AFAP1L1: variants seen among roughly 807,000 people sequenced by gnomAD.
The protein encoded by AFAP1L1 is actin filament-associated protein 1-like 1.
AFAP1L1 carries 77 observed loss-of-function variants against 99.8 expected under a neutral mutation model. The observed-to-expected ratio is 0.77, with a 90% CI of 0.64 to 0.93. The LOEUF (loss-of-function observed/expected upper bound fraction) is 0.93. Among genes scored for constraint, AFAP1L1 ranks in the 40% least tolerant of loss-of-function variants. AFAP1L1 has a pLI of 0.00. For missense variants in AFAP1L1, 893 were observed against 996.8 expected (o/e 0.90, Z 1.40); for synonymous variants, 373 against 395.3 (o/e 0.94, Z 0.67).
rs1054537098 is a variant in AFAP1L1, at chr5:149,340,518, C to T, written c.*488C>T. The T allele has an allele frequency of 1.3e-5, 2 of 157,002 alleles. No individual in the cohort carries two copies. Among genetic ancestry groups the T allele is most frequent in the African/African-American group, 4.8e-5 (2 of 41,576 alleles). 9.7% of individuals were successfully genotyped at this position (157,002 alleles called of 1,614,324 possible). A position where few individuals can be genotyped will look rare whatever the true frequency, so the allele number is the denominator to read the frequency against. The stretch of plus-strand genomic sequence containing the variant: ...ATTCATATTGGGCATTACTAACAAC[C>T]CCTGGTCAAGGTAAATAGGTTGAAC... On this transcript the variant is annotated 3_prime_UTR_variant, in exon 19 of 19. Coordinates refer to ENST00000296721, the MANE Select transcript of AFAP1L1 (RefSeq NM_152406.4).
chr5:149,323,039 C>T (rs866350662), intron 15 of AFAP1L1, among the ~76,000 whole-genome samples: 1 of 152,094 alleles, frequency 6.6e-6, no homozygotes. Context: ...GTACCAGGCC[C>T]CTAACACCAG....
At chr5:149,318,007 T>C in intron 12 of AFAP1L1, 67 bp downstream of exon 12, 2 of 1,512,690 alleles carry the variant, frequency 1.3e-6, no homozygotes. Context: ...GTCATGTTTT[T>C]GTTTGGGGGA....
chr5:149,329,567 T>G, intron 15 of AFAP1L1, 99 bp from the exon 16 acceptor site: 1 of 1,198,204 alleles, frequency 8.3e-7, no homozygotes, highest in Non-Finnish European at 1.2e-6. Flanking sequence ...TTCCATTTCA[T>G]AGATGGAGAA....
At position 149,342,004 on chromosome 5, in the gene AFAP1L1, G is replaced by A. The variant is rs1037647160; in HGVS notation, c.*1974G>A. Among the ~76,000 whole-genome samples, 4 of 152,088 alleles carry A rather than the reference G, an allele frequency of 2.6e-5. No homozygotes were observed. The highest frequency in any genetic ancestry group is 5.9e-5 in the Non-Finnish European group (4 of 68,020). ...ATGAACTCTCAGAGGAGTGGCTGGG[G>A]GTAATTAATAATTAACATTTATCAA... is the stretch of plus-strand genomic sequence containing the variant. On this transcript the variant is annotated 3_prime_UTR_variant, in exon 19 of 19. Transcript: ENST00000296721.
intron 16 of AFAP1L1, 144 bp from the exon 17 acceptor site, chr5:149,332,551 C>T (rs1757285479): frequency 1.2e-6 from 1 of 811,286 alleles, no homozygotes; most frequent in South Asian, 1.9e-5. Context: ...GAGCTGGAAC[C>T]CCAAACCCAG....
chr5:149,291,577 G>A (rs1439220768), intron 1 of AFAP1L1, among the ~76,000 whole-genome samples: 1 of 146,976 alleles, frequency 6.8e-6, no homozygotes, highest in Non-Finnish European at 1.5e-5. Flanking sequence ...AAGCCTGCAG[G>A]GTTTGAAAGT....
intron 1 of AFAP1L1, among the ~76,000 whole-genome samples, chr5:149,281,027 C>T (rs911419912): frequency 1.3e-5 from 2 of 152,198 alleles, no homozygotes; most frequent in Admixed American, 1.3e-4. Context: ...CACCAGTTAT[C>T]TTCATTTCAG....
intron 6 of AFAP1L1, among the ~76,000 whole-genome samples, chr5:149,306,947 A>T (rs1450488918): frequency 6.6e-6 from 1 of 152,186 alleles, no homozygotes; most frequent in Non-Finnish European, 1.5e-5. Flanking sequence ...AGTACAACAA[A>T]GTGCAAAAGT....
intron 14 of AFAP1L1, 93 bp from the exon 15 acceptor site, chr5:149,322,513 G>A: frequency 1.2e-6 from 1 of 809,598 alleles, no homozygotes; most frequent in Non-Finnish European, 1.9e-6. Flanking sequence ...CTCAGAGCAA[G>A]AAGACTCCAT....
Position 149,299,645 on chromosome 5 carries a change from G to A in AFAP1L1, c.145+8G>A, listed in dbSNP as rs1283172043. ...GCCTGCAGCCCCTTCCAGGTTAGCC[G>A]CCAGCAGCCTGCCTGGAGGAGCTCC... On this transcript the variant is annotated splice_region_variant and intron_variant, in intron 2 of 18. Transcript: ENST00000296721. The A allele has an allele frequency of 2.0e-5, 33 of 1,613,862 alleles. No homozygotes were observed. The highest frequency in any genetic ancestry group is 2.2e-5 in the South Asian group (2 of 91,074).
rs148586706 is a variant in AFAP1L1 at position 149,276,285 on chromosome 5, G to C, written c.16+4301G>C. On this transcript the variant is annotated intron_variant, in intron 1 of 18. Transcript: ENST00000296721. ...TGACTTGAGAATGGAAACAAACGCC[G>C]AAAGTAGAATTTCTCTTCCAACAGG... is the stretch of plus-strand genomic sequence containing the variant. 3.3e-3 allele frequency among the ~76,000 whole-genome samples: 498 copies of C among 152,358 alleles called. 4 individuals carry two copies. The highest frequency in any genetic ancestry group is 0.011 in the African/African-American group (448 of 41,584).
chr5:149,301,924 C>T (rs1398412199), intron 4 of AFAP1L1, among the ~76,000 whole-genome samples: 1 of 152,246 alleles, frequency 6.6e-6, no homozygotes, highest in Non-Finnish European at 1.5e-5. Flanking sequence ...GAAACTGAGG[C>T]TCAGAGAGAA....
intron 5 of AFAP1L1, among the ~76,000 whole-genome samples, chr5:149,304,618 C>T (rs1463216871): frequency 6.6e-6 from 1 of 152,184 alleles, no homozygotes; most frequent in Non-Finnish European, 1.5e-5. Context: ...AGGGAGAGCA[C>T]GCCAAGCCCA....
intron 15 of AFAP1L1, among the ~76,000 whole-genome samples, chr5:149,328,870 C>T (rs1288278410): frequency 6.6e-6 from 1 of 152,104 alleles, no homozygotes; most frequent in African/African-American, 2.4e-5. Flanking sequence ...AAGTGAATGG[C>T]TCAGCATATA....
chr5:149,324,253 C>G (rs1027346657), intron 15 of AFAP1L1, among the ~76,000 whole-genome samples: 2 of 152,202 alleles, frequency 1.3e-5, no homozygotes, highest in African/African-American at 4.8e-5. Flanking sequence ...TCTCATTGTT[C>G]TGGAGGCTGG....
intron 18 of AFAP1L1, among the ~76,000 whole-genome samples, chr5:149,337,611 G>T (rs1757441879): frequency 6.6e-6 from 1 of 152,180 alleles, no homozygotes; most frequent in African/African-American, 2.4e-5. Flanking sequence ...GGAGAAGACT[G>T]AAGTTTAAGT....
chr5:149,331,348 C>T (rs1170094160), intron 16 of AFAP1L1, among the ~76,000 whole-genome samples: 5 of 152,092 alleles, frequency 3.3e-5, no homozygotes, highest in African/African-American at 7.2e-5. Context: ...AGGCTGGGTG[C>T]GGTGGCTCAC....
chr5:149,300,209 G>A (rs1561667959), intron 2 of AFAP1L1, 62 bp from the exon 3 acceptor site: 1 of 1,238,896 alleles, frequency 8.1e-7, no homozygotes, highest in Non-Finnish European at 1.1e-6. Flanking sequence ...AAGTATGAGT[G>A]GGACGGGGGA....
chr5:149,322,586 C>T lies in AFAP1L1; in HGVS notation c.1699-20C>T, dbSNP rs745308127. On this transcript the variant is annotated intron_variant, in intron 14 of 18. Transcript: ENST00000296721. ...TCTGCGCCTGCCTGAACTTGACTGTCTTCCTCCATCTCCCACCAGGACGAG... is the reference window on the plus strand; with the variant it reads ...TCTGCGCCTGCCTGAACTTGACTGTTTTCCTCCATCTCCCACCAGGACGAG... 4.6e-5 allele frequency: 72 copies of T among 1,549,360 alleles called. No homozygotes were observed. The highest frequency in any genetic ancestry group is 5.9e-5 in the Non-Finnish European group (67 of 1,143,346).
Sources: allele counts gnomAD v4.1 joint callset (sites outside exome capture counted in the v4.1 genomes callset), GRCh38; gene constraint gnomAD v4.1.1; transcripts MANE v1.5; gene names NCBI Gene and HGNC (gene_info 2026-07-23, HGNC 2026-07-21).